Variants in NDUFB5 observed in about 807,000 individuals in gnomAD.
NDUFB5 encodes NADH dehydrogenase [ubiquinone] 1 beta subcomplex subunit 5, mitochondrial.
Under a neutral mutation model 19.4 loss-of-function variants are expected in NDUFB5, and 19 were observed. That is an observed-to-expected ratio of 0.98 (90% CI 0.68 to 1.43). The LOEUF is 1.43. Among genes scored for constraint, NDUFB5 ranks in the 40% most tolerant of loss-of-function variants. The pLI is 0.00. For missense variants in NDUFB5, 233 were observed against 236.5 expected, an observed-to-expected ratio of 0.99 and a Z score of 0.10; for synonymous variants, 80 against 82.6, an observed-to-expected ratio of 0.97 and a Z score of 0.17.
chr3:179,616,793 A>T (rs1188975165), intron 3 of NDUFB5, among the ~76,000 whole-genome samples, 190 bp from the exon 4 acceptor site: 3 of 152,226 alleles, frequency 2.0e-5, no homozygotes, highest in African/African-American at 4.8e-5. Context: ...AGATGTCTAA[A>T]AATGTCTAAC....
At chr3:179,612,966 A>G (rs765791450) in intron 1 of NDUFB5, among the ~76,000 whole-genome samples, 43 of 152,220 alleles carry the variant, frequency 2.8e-4, no homozygotes, top group Non-Finnish European at 5.0e-4. Flanking sequence ...TATCAGATTA[A>G]GACTGAATTG....
In NDUFB5 at chr3:179,609,502, T is replaced by C. The variant is rs192118059; in HGVS notation, c.124+4563T>C. ...AAGGTCACTCTACTGGGGCTATGTGTTGAACGAGGTATTTGGGAACAGGAT... is the reference window on the plus strand; with the variant it reads ...AAGGTCACTCTACTGGGGCTATGTGCTGAACGAGGTATTTGGGAACAGGAT... On this transcript the variant is annotated intron_variant, in intron 1 of 5. Transcript: ENST00000259037. Among the ~76,000 whole-genome samples, 118 of 152,322 alleles carry C rather than the reference T, an allele frequency of 7.7e-4. No individual in the cohort carries two copies. The East Asian group carries it at 0.02, about 26-fold the overall frequency.
chr3:179,604,980 G>A (rs762941226), intron 1 of NDUFB5, 41 bp downstream of exon 1: 40 of 1,510,648 alleles, frequency 2.6e-5, no homozygotes, highest in Non-Finnish European at 3.5e-5. Context: ...AAGCGGGTGC[G>A]GGGCGAGAAA....
intron 3 of NDUFB5, 39 bp downstream of exon 3, chr3:179,616,088 G>A (rs778049316): frequency 6.6e-7 from 1 of 1,515,682 alleles, no homozygotes; most frequent in South Asian, 1.2e-5. Context: ...CACCAGATTG[G>A]AAAAATTTTT....
intron 1 of NDUFB5, among the ~76,000 whole-genome samples, chr3:179,614,311 A>G (rs1329976846): frequency 6.6e-6 from 1 of 152,208 alleles, no homozygotes; most frequent in African/African-American, 2.4e-5. Context: ...TTAATCAGCA[A>G]TGGTTTACCA....
At chr3:179,606,358 A>G (rs952464573) in intron 1 of NDUFB5, among the ~76,000 whole-genome samples, 13 of 151,906 alleles carry the variant, frequency 8.6e-5, no homozygotes, top group African/African-American at 3.1e-4. Flanking sequence ...ATTTTTTTCA[A>G]GACGGAGTCT....
intron 5 of NDUFB5, among the ~76,000 whole-genome samples, chr3:179,618,806 A>G (rs1219682232): frequency 6.6e-5 from 10 of 151,970 alleles, no homozygotes; most frequent in Admixed American, 5.9e-4. Context: ...AGCCAAGACC[A>G]TGCCACTGCA....
At chr3:179,612,667 G>A (rs900868532) in intron 1 of NDUFB5, among the ~76,000 whole-genome samples, 1 of 150,932 alleles carries the variant, frequency 6.6e-6, no homozygotes, top group Non-Finnish European at 1.5e-5. Flanking sequence ...TAGTAGAGAC[G>A]GGGTTTCACC....
At chr3:179,622,151 T>G (rs1200733259) in intron 5 of NDUFB5, among the ~76,000 whole-genome samples, 3 of 151,850 alleles carry the variant, frequency 2.0e-5, no homozygotes, top group Non-Finnish European at 4.4e-5. Context: ...AGGGGGGTTT[T>G]TTTGTTTGTT....
chr3:179,613,665 C>T (rs1232689149), intron 1 of NDUFB5, among the ~76,000 whole-genome samples: 2 of 152,116 alleles, frequency 1.3e-5, no homozygotes, highest in Non-Finnish European at 2.9e-5. Flanking sequence ...ATTTAAAAAG[C>T]CTTAGTAGTA....
chr3:179,619,025 TGGATGGGTATATCCATCCA>T (rs1367538133), intron 5 of NDUFB5, among the ~76,000 whole-genome samples: 1 of 152,074 alleles, frequency 6.6e-6, no homozygotes, highest in African/African-American at 2.4e-5. Context: ...GGGAAGCAGA[TGGATGGGTATATCCATCCA>T]GTGAAATATA....
At chr3:179,622,230 A>C (rs559248848) in intron 5 of NDUFB5, among the ~76,000 whole-genome samples, 4 of 152,202 alleles carry the variant, frequency 2.6e-5, no homozygotes, top group African/African-American at 9.6e-5. Flanking sequence ...GGGCTCAAGC[A>C]GTCTTCCTGC....
chr3:179,613,880 G>A (rs1170178477), intron 1 of NDUFB5, among the ~76,000 whole-genome samples: 3 of 152,180 alleles, frequency 2.0e-5, no homozygotes, highest in Non-Finnish European at 2.9e-5. Context: ...AAGATCTCGT[G>A]TGGTTGGGAA....
intron 5 of NDUFB5, 117 bp downstream of exon 5, chr3:179,618,638 TA>T (rs1472234692): frequency 2.9e-6 from 2 of 701,118 alleles, no homozygotes; most frequent in Non-Finnish European, 4.8e-6. Context: ...TGTAAAAGGA[TA>T]AAGATACGTC....
intron 4 of NDUFB5, among the ~76,000 whole-genome samples, chr3:179,617,879 T>G (rs1004907234): frequency 1.3e-5 from 2 of 152,242 alleles, no homozygotes; most frequent in Non-Finnish European, 2.9e-5. Context: ...ATACTGCCAC[T>G]GCTACCAAAA....
At chr3:179,610,238 G>A (rs1047429028) in intron 1 of NDUFB5, among the ~76,000 whole-genome samples, 8 of 152,046 alleles carry the variant, frequency 5.3e-5, no homozygotes, top group African/African-American at 7.2e-5. Flanking sequence ...GATGACGGGT[G>A]CACACCACCA....
intron 1 of NDUFB5, among the ~76,000 whole-genome samples, chr3:179,614,066 G>A (rs186732613): frequency 4.1e-4 from 63 of 152,232 alleles, no homozygotes; most frequent in Non-Finnish European, 6.2e-4. Context: ...TGACTCACAT[G>A]CAAAATATCC....
chr3:179,615,305 TC>T, intron 2 of NDUFB5: 1 of 302,212 alleles, frequency 3.3e-6, no homozygotes, highest in South Asian at 4.3e-5. Context: ...ATTCCTTTCT[TC>T]TGAAGATTAT....
At chr3:179,610,040 G>T (rs1719200079) in intron 1 of NDUFB5, among the ~76,000 whole-genome samples, 1 of 152,132 alleles carries the variant, frequency 6.6e-6, no homozygotes, top group African/African-American at 2.4e-5. Flanking sequence ...AGCCTCTCAA[G>T]TAGCTGGGAC....
Sources: allele counts gnomAD v4.1 joint callset (sites outside exome capture counted in the v4.1 genomes callset), GRCh38; gene constraint gnomAD v4.1.1; transcripts MANE v1.5; gene names NCBI Gene and HGNC (gene_info 2026-07-23, HGNC 2026-07-21).